TMEM132D: variants seen among roughly 807,000 people sequenced by gnomAD.
TMEM132D encodes mature OL transmembrane protein.
A neutral mutation model predicts 62.3 loss-of-function variants in TMEM132D; 21 were observed. The observed-to-expected ratio is 0.34, with a 90% confidence interval of 0.24 to 0.49. The LOEUF is 0.49. Ranked by LOEUF, TMEM132D falls within the 20% of genes least tolerant of loss-of-function variation. TMEM132D has a pLI of 0.99. For synonymous variants in TMEM132D, 621 were observed against 575.6 expected (o/e 1.08, Z -1.13); for missense variants, 1,346 against 1,402.8 (o/e 0.96, Z 0.65).
chr12:129,074,251 T>C lies in TMEM132D; in HGVS notation c.2924A>G (p.Glu975Gly). The change falls in exon 9 of 9, where the codon GAG (glutamate) becomes GGG (glycine). Residue 975 changes from glutamate to glycine, a missense_variant. Glu to Gly is a moderately conservative substitution (Grantham distance 98). Coordinates refer to ENST00000422113, the MANE Select transcript of TMEM132D (RefSeq NM_133448.3). ...CGAGGAGGCAAAGTTGATGTGATTC[T>C]CCAACAGCTCTGTCCGGTTGCTTAA... ...VGLSNRTELL[E>G]NHINFASSQD... The C allele has an allele frequency of 6.2e-7, 1 of 1,614,112 alleles. No homozygotes were observed. Among genetic ancestry groups the C allele is most frequent in the Non-Finnish European group, 8.5e-7 (1 of 1,180,016 alleles).
chr12:129,580,130 T>C (rs1403598492), intron 2 of TMEM132D, among the ~76,000 whole-genome samples: 1 of 152,162 alleles, frequency 6.6e-6, no homozygotes, highest in Non-Finnish European at 1.5e-5. Context: ...GGGAGGTTTA[T>C]CTCTTGGCTC....
At chr12:129,487,720 CAGG>C (rs1022383478) in intron 3 of TMEM132D, among the ~76,000 whole-genome samples, 7 of 151,692 alleles carry the variant, frequency 4.6e-5, no homozygotes, top group Non-Finnish European at 8.8e-5. Context: ...ATCATGAGGT[CAGG>C]AGATCTCCTG....
chr12:129,579,305 G>T (rs1420041605), intron 2 of TMEM132D, among the ~76,000 whole-genome samples: 1 of 152,024 alleles, frequency 6.6e-6, no homozygotes, highest in Non-Finnish European at 1.5e-5. Flanking sequence ...TTTGTTTTTA[G>T]TTAGTGTATT....
intron 5 of TMEM132D, among the ~76,000 whole-genome samples, chr12:129,086,215 T>TGTGA (rs1176414316): frequency 6.6e-6 from 1 of 152,034 alleles, no homozygotes; most frequent in Non-Finnish European, 1.5e-5. Flanking sequence ...TGTGTGTGTG[T>TGTGA]GTGTGTGTGT....
Position 129,858,870 on chromosome 12 carries a change from G to A in TMEM132D, c.79+44391C>T, listed in dbSNP as rs541926074. Among the ~76,000 whole-genome samples, 12 of 134,224 alleles carry A rather than the reference G, an allele frequency of 8.9e-5. 1 individual carries two copies. The highest frequency in any genetic ancestry group is 7.1e-4 in the Admixed American group (10 of 14,078). 88.1% of individuals were successfully genotyped at this position (134,224 alleles called of 152,430 possible). On this transcript the variant is annotated intron_variant, in intron 1 of 8. Coordinates refer to ENST00000422113, the MANE Select transcript of TMEM132D (RefSeq NM_133448.3). ...GGGTGCCCTTGTAACAGAGTCCGGG[G>A]GAACGGGATGGGTGCCCTTATAACA... is the stretch of plus-strand genomic sequence containing the variant.
In TMEM132D at chr12:129,827,124, C is replaced by T. The variant is rs915286146; in HGVS notation, c.79+76137G>A. On this transcript the variant is annotated intron_variant, in intron 1 of 8. Transcript: ENST00000422113. The surrounding 1 kb of genome is among the most constrained non-coding windows in gnomAD (Gnocchi z 9.7). The stretch of plus-strand genomic sequence containing the variant: ...AGGCAATTTAACATCTCATAACAAT[C>T]ACTCTTAATAATAGCAATTAATAAT... Among the ~76,000 whole-genome samples the T allele has an allele frequency of 1.2e-4, 18 of 152,190 alleles. No individual in the cohort carries two copies. The highest frequency in any genetic ancestry group is 4.3e-4 in the African/African-American group (18 of 41,460).
intron 5 of TMEM132D, among the ~76,000 whole-genome samples, chr12:129,131,381 C>T (rs187999985): frequency 3.3e-5 from 5 of 152,220 alleles, no homozygotes; most frequent in East Asian, 1.9e-4. Context: ...CCAAGGTGGG[C>T]GGATTGCTTG....
chr12:129,510,807 C>G (rs1053452495), intron 3 of TMEM132D, among the ~76,000 whole-genome samples: 4 of 152,134 alleles, frequency 2.6e-5, no homozygotes, highest in Non-Finnish European at 5.9e-5. Flanking sequence ...AAGAGACTGT[C>G]CTTTCCCTAA....
At chr12:129,451,050 CCG>C (rs1873271016) in intron 3 of TMEM132D, among the ~76,000 whole-genome samples, 1 of 152,210 alleles carries the variant, frequency 6.6e-6, no homozygotes, top group Non-Finnish European at 1.5e-5. Context: ...GCGTGAGCCA[CCG>C]CGCCCGGCCA....
At chr12:129,844,946 G>T (rs1413357370) in intron 1 of TMEM132D, among the ~76,000 whole-genome samples, 4 of 152,110 alleles carry the variant, frequency 2.6e-5, no homozygotes, top group Non-Finnish European at 4.4e-5. Context: ...TGATGATTAT[G>T]CTCTATAATC....
intron 2 of TMEM132D, among the ~76,000 whole-genome samples, chr12:129,559,119 T>C (rs1877142741): frequency 6.6e-6 from 1 of 152,198 alleles, no homozygotes; most frequent in Non-Finnish European, 1.5e-5. Context: ...CCTAAATGTC[T>C]TACAGGGCTG....
intron 2 of TMEM132D, among the ~76,000 whole-genome samples, chr12:129,634,927 C>T (rs1046038478): frequency 6.6e-6 from 1 of 152,116 alleles, no homozygotes; most frequent in Non-Finnish European, 1.5e-5. Context: ...CTTTGAGGAA[C>T]TAGAACCATT....
chr12:129,153,585 A>G (rs1877143260), intron 5 of TMEM132D, among the ~76,000 whole-genome samples: 3 of 152,170 alleles, frequency 2.0e-5, no homozygotes, highest in Admixed American at 2.0e-4. Flanking sequence ...AGCTGATCTC[A>G]TGAGGCATTT....
chr12:129,582,113 G>A (rs1464951912), intron 2 of TMEM132D, among the ~76,000 whole-genome samples: 7 of 152,122 alleles, frequency 4.6e-5, no homozygotes, highest in Admixed American at 3.3e-4. Context: ...GATGAAACAC[G>A]TCTGCTTTTT....
rs1310203738 is a variant in TMEM132D, at chr12:129,078,615, G to C, written c.2034C>G (p.Leu678=). The change falls in exon 8 of 9, where the codon CTC becomes CTG. Residue 678 remains leucine (L), a synonymous_variant. Transcript: ENST00000422113. The part of the protein sequence containing the change: ...LGVQLVTGLS[L]SLQLSPGSNR... The stretch of plus-strand genomic sequence containing the variant: ...TGCTTCCTGGGCTGAGCTGCAAGGA[G>C]AGTGACAGCCCTGTCACCAGCTGCA... 6.2e-7 allele frequency: 1 copy of C among 1,614,180 alleles called. No individual in the cohort carries two copies. The highest frequency in any genetic ancestry group is 1.1e-5 in the South Asian group (1 of 91,082).
chr12:129,103,169 G>T (rs1051986467), intron 5 of TMEM132D, among the ~76,000 whole-genome samples: 7 of 152,114 alleles, frequency 4.6e-5, no homozygotes, highest in African/African-American at 1.7e-4. Context: ...TTAGAAGGAG[G>T]CCTCCAGGCT....
rs115360474 is a variant in TMEM132D at position 129,750,730 on chromosome 12, G to T, written c.80-50032C>A. ...AAGGGGTTGGTCAGCGGGTACAAAG[G>T]TATAGTACTAGAGGAGGCATCAGTT... On this transcript the variant is annotated intron_variant, in intron 1 of 8. Coordinates refer to ENST00000422113, the MANE Select transcript of TMEM132D (RefSeq NM_133448.3). Among the ~76,000 whole-genome samples the T allele has an allele frequency of 1.4e-3, 207 of 152,260 alleles. 1 individual carries two copies. The highest frequency in any genetic ancestry group is 4.7e-3 in the African/African-American group (195 of 41,550).
chr12:129,159,648 C>G (rs1341523407), intron 5 of TMEM132D, among the ~76,000 whole-genome samples: 1 of 151,016 alleles, frequency 6.6e-6, no homozygotes, highest in African/African-American at 2.4e-5. Context: ...GTAATCCCAG[C>G]TACTTGGGTG....
At chr12:129,172,671 C>T (rs576831692) in intron 5 of TMEM132D, among the ~76,000 whole-genome samples, 3 of 152,134 alleles carry the variant, frequency 2.0e-5, no homozygotes, top group Admixed American at 6.6e-5. Flanking sequence ...CTCTGCCTCC[C>T]GGGTTCAAGT....
Sources: gnomAD v4.1 joint callset for allele counts (sites outside exome capture counted in the v4.1 genomes callset) on GRCh38, gnomAD v4.1.1 for gene constraint, Gnocchi (gnomAD v3.1) non-coding constraint, MANE v1.5 for transcripts, NCBI Gene and HGNC (gene_info 2026-07-23, HGNC 2026-07-21) for gene names.